The following PARP12 variants were observed in gnomAD, a reference collection of about 807,000 sequenced individuals.
PARP12 encodes the protein protein mono-ADP-ribosyltransferase PARP12.
Under a neutral mutation model 72.4 loss-of-function variants are expected in PARP12, and 59 were observed. The ratio of observed to expected loss-of-function variants is 0.81; its 90% CI spans 0.66 to 1.01. PARP12 has a LOEUF of 1.01. Ranked by LOEUF, PARP12 falls within the 50% of genes least tolerant of loss-of-function variation. The pLI, the probability that PARP12 is intolerant of heterozygous loss-of-function variation, is 0.00. For missense variants in PARP12, 851 were observed against 914.0 expected (o/e 0.93, Z 0.89); for synonymous variants, 403 against 371.4 (o/e 1.09, Z -0.98).
At chr7:140,061,946 A>G (rs1286539333) in intron 1 of PARP12, among the ~76,000 whole-genome samples, 1 of 138,568 alleles carries the variant, frequency 7.2e-6, no homozygotes, top group Non-Finnish European at 1.6e-5. Context: ...CAGGCAGAGC[A>G]AAGACTCCCA....
In PARP12 at chr7:140,062,923, C is replaced by A; in HGVS notation, c.-76G>T. 2 of 1,166,498 alleles carry A rather than the reference C, an allele frequency of 1.7e-6. No homozygotes were observed. Among genetic ancestry groups the A allele is most frequent in the Non-Finnish European group, 2.1e-6 (2 of 935,736 alleles). 72.3% of individuals were successfully genotyped at this position (1,166,498 alleles called of 1,614,324 possible). On this transcript the variant is annotated 5_prime_UTR_variant, in exon 1 of 12. Transcript: ENST00000263549. ...GGCGGACGCTGGCTGGCGGGCGGCT[C>A]TCGCAGGGTGGAGACGCCGGCGGGA...
intron 11 of PARP12, among the ~76,000 whole-genome samples, chr7:140,025,811 A>C (rs1815716355): frequency 1.3e-5 from 2 of 152,266 alleles, no homozygotes; most frequent in East Asian, 1.9e-4. Flanking sequence ...GCTAGAATAC[A>C]TGTTTACATG....
At chr7:140,032,337 G>GT (rs1400798901) in intron 8 of PARP12, among the ~76,000 whole-genome samples, 35 of 149,588 alleles carry the variant, frequency 2.3e-4, no homozygotes, top group East Asian at 7.9e-4. Flanking sequence ...TCCAAAATTT[G>GT]TTTTTTTTAA....
intron 8 of PARP12, among the ~76,000 whole-genome samples, chr7:140,032,990 C>T (rs746984942): frequency 6.6e-6 from 1 of 152,018 alleles, no homozygotes; most frequent in African/African-American, 2.4e-5. Flanking sequence ...CTCACTCTGT[C>T]ACCCAGGCTG....
At chr7:140,054,528 G>A in intron 4 of PARP12, 134 bp downstream of exon 4, 1 of 675,660 alleles carries the variant, frequency 1.5e-6, no homozygotes, top group East Asian at 2.6e-5. Context: ...GAATTGGTTT[G>A]GCCAAAGTGC....
At chr7:140,038,400 A>G in intron 6 of PARP12, 2 of 787,270 alleles carry the variant, frequency 2.5e-6, no homozygotes, top group South Asian at 5.7e-5. Flanking sequence ...CTTCAGCTGG[A>G]GTGAGTTTGA....
intron 7 of PARP12, among the ~76,000 whole-genome samples, chr7:140,036,381 T>C (rs1816197440): frequency 6.6e-6 from 1 of 152,200 alleles, no homozygotes. Flanking sequence ...TGGTCCCCTC[T>C]CATGCACTGG....
At chr7:140,033,706 C>T (rs1490625134) in intron 8 of PARP12, 4 of 988,608 alleles carry the variant, frequency 4.0e-6, no homozygotes, top group Admixed American at 5.9e-5. Context: ...CTTCTAGGGG[C>T]TCACAGGCCA....
chr7:140,053,832 T>G (rs1004252616), intron 4 of PARP12, among the ~76,000 whole-genome samples: 1 of 152,202 alleles, frequency 6.6e-6, no homozygotes, highest in African/African-American at 2.4e-5. Context: ...AGATGCAGAT[T>G]GAATAATAAC....
At chr7:140,037,609 A>G in intron 7 of PARP12, 106 bp downstream of exon 7, 1 of 1,504,380 alleles carries the variant, frequency 6.6e-7, no homozygotes, top group Non-Finnish European at 9.0e-7. Context: ...TCTTTCCTGT[A>G]CCCACCCAGG....
At chr7:140,050,832 C>T (rs1239977540) in intron 4 of PARP12, among the ~76,000 whole-genome samples, 1 of 152,074 alleles carries the variant, frequency 6.6e-6, no homozygotes, top group Admixed American at 6.6e-5. Flanking sequence ...ATTATCTGGA[C>T]ACCACTATTA....
At chr7:140,036,382 C>A (rs547084446) in intron 7 of PARP12, among the ~76,000 whole-genome samples, 1 of 152,352 alleles carries the variant, frequency 6.6e-6, no homozygotes, top group Admixed American at 6.5e-5. Flanking sequence ...GGTCCCCTCT[C>A]ATGCACTGGT....
At chr7:140,036,492 C>T (rs1202408060) in intron 7 of PARP12, among the ~76,000 whole-genome samples, 1 of 152,114 alleles carries the variant, frequency 6.6e-6, no homozygotes, top group Non-Finnish European at 1.5e-5. Flanking sequence ...CCGTAAAGGG[C>T]ATGTCAAGGG....
intron 4 of PARP12, among the ~76,000 whole-genome samples, chr7:140,052,334 A>G (rs1396342070): frequency 6.6e-6 from 1 of 152,236 alleles, no homozygotes; most frequent in Admixed American, 6.5e-5. Context: ...TTAAGGAACA[A>G]ACAACATTAA....
chr7:140,029,854 T>C lies in PARP12; in HGVS notation c.1422-1166A>G, dbSNP rs528316018. 4.8e-4 allele frequency among the ~76,000 whole-genome samples: 73 copies of C among 152,276 alleles called. 1 individual carries two copies. The highest frequency in any genetic ancestry group is 6.8e-3 in the Middle Eastern group (2 of 294). Reference sequence around the variant, plus strand: ...ATGTGAAATGAAATTGTCCAGAATGTGGCCCACAGCAACAAGGAAATGGAA... The same window carrying C: ...ATGTGAAATGAAATTGTCCAGAATGCGGCCCACAGCAACAAGGAAATGGAA... On this transcript the variant is annotated intron_variant, in intron 8 of 11. Transcript: ENST00000263549.
chr7:140,027,343 G>C lies in PARP12; in HGVS notation c.1561C>G (p.Leu521Val), dbSNP rs1397827927. ...ATCTTCTGAACAAAGTAGAAAGGCA[G>C]CGTGCGGTTAAAGAGGTTCCAGACC... ...QKVWNLFNRTLPFYFVQKIER... is the reference protein window; with the variant it reads ...QKVWNLFNRTVPFYFVQKIER... Residue 521 changes from leucine to valine, a missense_variant, in exon 10 of 12, where the codon CTG (leucine) becomes GTG (valine). By Grantham distance (32) the Leu-to-Val change is conservative. This residue lies in a region of PARP12 where 347 missense variants were observed against 396.1 expected (regional missense o/e 0.88). Coordinates refer to ENST00000263549, the MANE Select transcript of PARP12 (RefSeq NM_022750.4). 6.2e-7 allele frequency: 1 copy of C among 1,614,008 alleles called. No homozygotes were observed. Among genetic ancestry groups the C allele is most frequent in the African/African-American group, 1.3e-5 (1 of 74,934 alleles).
chr7:140,061,639 C>T (rs1356412095), intron 1 of PARP12, among the ~76,000 whole-genome samples: 3 of 152,256 alleles, frequency 2.0e-5, no homozygotes, highest in East Asian at 3.9e-4. Context: ...ATTTTACCCG[C>T]CCCATCACCT....
chr7:140,028,277 C>T (rs1329087172), intron 9 of PARP12, among the ~76,000 whole-genome samples: 1 of 152,178 alleles, frequency 6.6e-6, no homozygotes, highest in Non-Finnish European at 1.5e-5. Flanking sequence ...CCCCAGGCTG[C>T]TTCTCCTTTT....
chr7:140,057,125 C>G lies in PARP12; in HGVS notation c.491G>C (p.Gly164Ala), dbSNP rs1226518827. ...EICQHYNKGD[G>A]PHGSCAFQKQ... ...TTGAAAGGCACAAGAGCCGTGGGGT[C>G]CATCTCCTTTGTTGTAATGTTGGCA... Residue 164 changes from glycine (G) to alanine (A), a missense_variant, in exon 3 of 12, where the codon GGA (glycine) becomes GCA (alanine). Gly to Ala is a moderately conservative substitution (Grantham distance 60). Coordinates refer to ENST00000263549, the MANE Select transcript of PARP12 (RefSeq NM_022750.4). The G allele has an allele frequency of 1.9e-6, 3 of 1,613,734 alleles. No homozygotes were observed. The highest frequency in any genetic ancestry group is 2.5e-6 in the Non-Finnish European group (3 of 1,179,918).
Sources: gnomAD v4.1 joint callset for allele counts (sites outside exome capture counted in the v4.1 genomes callset) on GRCh38, gnomAD v4.1.1 for gene constraint, gnomAD v4.1.1 regional missense constraint, MANE v1.5 for transcripts, NCBI Gene and HGNC (gene_info 2026-07-23, HGNC 2026-07-21) for gene names.